Variants in SPOCK1 observed in about 807,000 individuals in gnomAD.
SPOCK1 encodes the protein testican-1.
SPOCK1 carries 23 observed loss-of-function variants against 55.3 expected under a neutral mutation model. The ratio of observed to expected loss-of-function variants is 0.42; its 90% CI spans 0.30 to 0.59. The LOEUF (loss-of-function observed/expected upper bound fraction) is 0.59, where lower values mean the gene tolerates loss of function less well. Ranked by LOEUF, SPOCK1 falls within the 20% of genes least tolerant of loss-of-function variation. The pLI is 0.22. For missense variants in SPOCK1, 499 were observed against 552.5 expected, an observed-to-expected ratio of 0.90 and a Z score of 0.97; for synonymous variants, 226 against 221.0, an observed-to-expected ratio of 1.02 and a Z score of -0.20.
intron 2 of SPOCK1, among the ~76,000 whole-genome samples, chr5:137,474,370 A>C (rs1227793755): frequency 8.5e-5 from 13 of 152,198 alleles, no homozygotes; most frequent in Admixed American, 8.5e-4. Context: ...TAGGTTTCTC[A>C]CTGTGCGAAA....
At chr5:137,128,505 A>G (rs964970409) in intron 4 of SPOCK1, among the ~76,000 whole-genome samples, 1 of 152,230 alleles carries the variant, frequency 6.6e-6, no homozygotes, top group African/African-American at 2.4e-5. Flanking sequence ...TACTGGTACT[A>G]AGCTCACTGC....
At chr5:137,329,071 A>G (rs1396257662) in intron 2 of SPOCK1, among the ~76,000 whole-genome samples, 1 of 152,154 alleles carries the variant, frequency 6.6e-6, no homozygotes, top group Non-Finnish European at 1.5e-5. Flanking sequence ...TCACATTTGA[A>G]TCAGTGGACT....
chr5:137,395,560 C>T (rs1225592365), intron 2 of SPOCK1, among the ~76,000 whole-genome samples: 3 of 152,176 alleles, frequency 2.0e-5, no homozygotes, highest in Non-Finnish European at 2.9e-5. Flanking sequence ...TGACTCATTC[C>T]CAACTGACTG....
At chr5:137,093,545 T>C (rs1753085265) in intron 5 of SPOCK1, among the ~76,000 whole-genome samples, 2 of 152,194 alleles carry the variant, frequency 1.3e-5, no homozygotes, top group East Asian at 3.9e-4. Context: ...AAATAAGAGA[T>C]TTCAGATGCA....
intron 4 of SPOCK1, among the ~76,000 whole-genome samples, chr5:137,123,092 C>T (rs1419682991): frequency 2.0e-5 from 3 of 152,192 alleles, no homozygotes; most frequent in Admixed American, 6.5e-5. Flanking sequence ...CCCCATAAGA[C>T]ATTAGTGGTG....
At chr5:137,217,146 G>A (rs769420823) in intron 3 of SPOCK1, among the ~76,000 whole-genome samples, 4 of 152,182 alleles carry the variant, frequency 2.6e-5, no homozygotes, top group Non-Finnish European at 5.9e-5. Context: ...TCAGTTGACT[G>A]AAGAATTTCA....
intron 3 of SPOCK1, among the ~76,000 whole-genome samples, chr5:137,232,715 CA>C (rs1223898818): frequency 6.6e-6 from 1 of 152,076 alleles, no homozygotes; most frequent in Non-Finnish European, 1.5e-5. Flanking sequence ...CCATGTTTAC[CA>C]AAAAACCTTG....
intron 4 of SPOCK1, among the ~76,000 whole-genome samples, chr5:137,131,075 C>A (rs2240224): frequency 0.47 from 71,699 of 152,032 alleles, 17,073 homozygotes; most frequent in Middle Eastern, 0.52. Context: ...CCAGCGCCCC[C>A]GATGGGCCCT....
chr5:137,345,589 C>T (rs1357312965), intron 2 of SPOCK1, among the ~76,000 whole-genome samples: 1 of 152,204 alleles, frequency 6.6e-6, no homozygotes, highest in African/African-American at 2.4e-5. Context: ...TTTTAGCAAA[C>T]ACCCTGGTCT....
chr5:137,016,028 G>A (rs1413941139), intron 6 of SPOCK1, among the ~76,000 whole-genome samples: 2 of 152,196 alleles, frequency 1.3e-5, no homozygotes, highest in Non-Finnish European at 1.5e-5. Flanking sequence ...CTACTGAAAT[G>A]GCTAGAGTTA....
intron 6 of SPOCK1, among the ~76,000 whole-genome samples, chr5:137,039,592 C>G (rs1351789159): frequency 6.6e-6 from 1 of 152,224 alleles, no homozygotes; most frequent in Non-Finnish European, 1.5e-5. Flanking sequence ...CCAGATCATC[C>G]ATGCAACAGG....
intron 3 of SPOCK1, 53 bp from the exon 4 acceptor site, chr5:137,140,747 A>ATTT (rs11309240): frequency 0.012 from 4,067 of 350,568 alleles, 1 homozygote; most frequent in East Asian, 0.023. Flanking sequence ...GGGAAATTTA[A>ATTT]TTTTTTTTTT....
chr5:137,438,304 G>A (rs1462046854), intron 2 of SPOCK1, among the ~76,000 whole-genome samples: 1 of 151,850 alleles, frequency 6.6e-6, no homozygotes, highest in Non-Finnish European at 1.5e-5. Flanking sequence ...AGATATATTT[G>A]GATTAATATA....
intron 4 of SPOCK1, among the ~76,000 whole-genome samples, chr5:137,133,929 T>G (rs1008487190): frequency 1.6e-5 from 2 of 128,234 alleles, no homozygotes; most frequent in East Asian, 5.3e-4. Flanking sequence ...CAGCAGCACC[T>G]CTAGGGCCAG....
intron 2 of SPOCK1, among the ~76,000 whole-genome samples, chr5:137,412,134 T>A (rs1253407124): frequency 6.6e-6 from 1 of 152,218 alleles, no homozygotes; most frequent in African/African-American, 2.4e-5. Context: ...TGTCCTCATG[T>A]ATTACTTCTC....
At chr5:137,358,422 G>GAAGGAAGGAAGGAAGGA (rs150734871) in intron 2 of SPOCK1, among the ~76,000 whole-genome samples, 3 of 120,006 alleles carry the variant, frequency 2.5e-5, no homozygotes, top group Non-Finnish European at 5.2e-5. Context: ...AGGAAGGAAG[G>GAAGGAAGGAAGGAAGGA]AGGAAAGAAA....
At chr5:137,259,131 C>T (rs1036299533) in intron 3 of SPOCK1, among the ~76,000 whole-genome samples, 3 of 152,162 alleles carry the variant, frequency 2.0e-5, no homozygotes, top group African/African-American at 7.2e-5. Flanking sequence ...ATTAGACCCA[C>T]TCTACAGATA....
chr5:137,090,590 T>C (rs1753035364), intron 5 of SPOCK1, among the ~76,000 whole-genome samples: 1 of 152,162 alleles, frequency 6.6e-6, no homozygotes, highest in Non-Finnish European at 1.5e-5. Context: ...CAGCCAGGCA[T>C]GGGGACCCAG....
chr5:137,146,637 C>A (rs1754199877), intron 3 of SPOCK1, among the ~76,000 whole-genome samples: 1 of 152,210 alleles, frequency 6.6e-6, no homozygotes, highest in Non-Finnish European at 1.5e-5. Context: ...GTAACCCGTG[C>A]ATGCATCTTG....
Sources: allele counts gnomAD v4.1 joint callset (sites outside exome capture counted in the v4.1 genomes callset), GRCh38; gene constraint gnomAD v4.1.1; transcripts MANE v1.5; gene names NCBI Gene and HGNC (gene_info 2026-07-23, HGNC 2026-07-21).